PPP1R8: variants seen among roughly 807,000 people sequenced by gnomAD.
PPP1R8 encodes the protein protein phosphatase 1 regulatory subunit 8.
PPP1R8 carries 4 observed loss-of-function variants against 31.3 expected under a neutral mutation model. That is an observed-to-expected ratio of 0.13 (90% confidence interval 0.06 to 0.29). The LOEUF (loss-of-function observed/expected upper bound fraction) is 0.29. Ranked by LOEUF, PPP1R8 falls within the 10% of genes least tolerant of loss-of-function variation. The pLI is 1.00. For missense variants in PPP1R8, 254 were observed against 440.1 expected (o/e 0.58, Z 3.78); for synonymous variants, 170 against 169.7 (o/e 1.00, Z -0.01).
chr1:27,845,512 T>C (rs1409961210), intron 5 of PPP1R8, among the ~76,000 whole-genome samples: 1 of 151,996 alleles, frequency 6.6e-6, no homozygotes, highest in African/African-American at 2.4e-5. Context: ...TGAGAGAAGT[T>C]TGGGATACCT....
rs1233141663 is a variant in PPP1R8, at chr1:27,830,805, G to A, written c.-31G>A. ...GTCTTCCAGTTTCCCGGCGTGCTTA[G>A]GGCGCGCCAAATGGGAGGGGGAGAC... On this transcript the variant is annotated 5_prime_UTR_variant, in exon 1 of 7. Transcript: ENST00000311772. 1.3e-6 allele frequency: 2 copies of A among 1,564,992 alleles called. No individual in the cohort carries two copies. The highest frequency in any genetic ancestry group is 1.2e-5 in the South Asian group (1 of 84,962).
rs2089325866 is a variant in PPP1R8, at chr1:27,850,073, C to T, written c.703-20C>T. 15 of 1,529,246 alleles carry T rather than the reference C, an allele frequency of 9.8e-6. No individual in the cohort carries two copies. The highest frequency in any genetic ancestry group is 4.5e-5 in the East Asian group (2 of 44,010). The allele number at this position is 1,529,246 out of a possible 1,614,324, so 94.7% of individuals were successfully genotyped here. The stretch of plus-strand genomic sequence containing the variant: ...GTCTTCTCTCTCCAATCTCTCCCCT[C>T]TCCTCATCGTGAACTGTAGAAGAAG... On this transcript the variant is annotated intron_variant, in intron 6 of 6. Transcript: ENST00000311772.
chr1:27,835,943 A>G (rs1311077837), intron 2 of PPP1R8, among the ~76,000 whole-genome samples: 1 of 152,248 alleles, frequency 6.6e-6, no homozygotes, highest in African/African-American at 2.4e-5. Flanking sequence ...AGTGTGTGGC[A>G]TAGAAGCGCC....
chr1:27,850,750 T>C lies in PPP1R8; in HGVS notation c.*304T>C, dbSNP rs1223189305. ...CTCCCACTTTCTAGGATCATTTTTA[T>C]GTAAAGTCACATATCCCAGGCCCTC... On this transcript the variant is annotated 3_prime_UTR_variant, in exon 7 of 7. Coordinates refer to ENST00000311772, the MANE Select transcript of PPP1R8 (RefSeq NM_014110.5). 1 of 281,520 alleles carries C rather than the reference T, an allele frequency of 3.6e-6. No individual in the cohort carries two copies. The highest frequency in any genetic ancestry group is 6.7e-6 in the Non-Finnish European group (1 of 148,974). The allele number at this position is 281,520 out of a possible 1,614,324, so 17.4% of individuals were successfully genotyped here.
Position 27,850,534 on chromosome 1 carries a change from C to T in PPP1R8, c.*88C>T. On this transcript the variant is annotated 3_prime_UTR_variant, in exon 7 of 7. Transcript: ENST00000311772. Reference sequence around the variant, plus strand: ...TAATGAACTAGGGAGAAAAACTTTCCATGTGTGCGGTATCGTCTTTCAGAA... The same window carrying T: ...TAATGAACTAGGGAGAAAAACTTTCTATGTGTGCGGTATCGTCTTTCAGAA... 1.7e-6 allele frequency: 2 copies of T among 1,181,968 alleles called. No homozygotes were observed. Among genetic ancestry groups the T allele is most frequent in the Non-Finnish European group, 2.4e-6 (2 of 844,600 alleles). The allele number at this position is 1,181,968 out of a possible 1,614,324, so 73.2% of individuals were successfully genotyped here. A position where few individuals can be genotyped will look rare whatever the true frequency, so the allele number is the denominator to read the frequency against.
intron 6 of PPP1R8, 65 bp from the exon 7 acceptor site, chr1:27,850,028 A>G: frequency 1.4e-6 from 2 of 1,418,056 alleles, no homozygotes; most frequent in Non-Finnish European, 9.5e-7. Context: ...AAAGCTAACC[A>G]CTCTTGGGCC....
chr1:27,833,152 G>A (rs2089128447), intron 2 of PPP1R8, among the ~76,000 whole-genome samples: 1 of 152,154 alleles, frequency 6.6e-6, no homozygotes, highest in Non-Finnish European at 1.5e-5. Context: ...TGCAGTAACT[G>A]AAGAAAGTGA....
chr1:27,831,006 T>C, intron 1 of PPP1R8, 115 bp downstream of exon 1: 2 of 1,428,680 alleles, frequency 1.4e-6, no homozygotes, highest in South Asian at 3.0e-5. Context: ...AACCCCGGAA[T>C]GGTTGAGGAA....
At chr1:27,849,618 A>G (rs1311692137) in intron 6 of PPP1R8, among the ~76,000 whole-genome samples, 1 of 152,120 alleles carries the variant, frequency 6.6e-6, no homozygotes. Flanking sequence ...CCTCCCGAGT[A>G]GCTGTGATTA....
chr1:27,831,116 C>A (rs1314544454), intron 1 of PPP1R8: 12 of 1,345,226 alleles, frequency 8.9e-6, no homozygotes, highest in Non-Finnish European at 1.0e-5. Context: ...GGCTCAAAGG[C>A]GCTCACTTAG....
chr1:27,850,857 C>T lies in PPP1R8; in HGVS notation c.*411C>T, dbSNP rs1441701997. The T allele has an allele frequency of 6.2e-6, 1 of 160,936 alleles. No homozygotes were observed. Among genetic ancestry groups the T allele is most frequent in the East Asian group, 1.8e-4 (1 of 5,496 alleles). 10.0% of individuals were successfully genotyped at this position (160,936 alleles called of 1,614,324 possible). ...AGCCTAATTTATATTCACTATCCTT[C>T]CAAGTCCCGGGTAGCAGAAGGGTTG... is the stretch of plus-strand genomic sequence containing the variant. On this transcript the variant is annotated 3_prime_UTR_variant, in exon 7 of 7. Coordinates refer to ENST00000311772, the MANE Select transcript of PPP1R8 (RefSeq NM_014110.5).
intron 3 of PPP1R8, 62 bp from the exon 4 acceptor site, chr1:27,840,952 T>A (rs2089216994): frequency 1.3e-6 from 2 of 1,547,840 alleles, no homozygotes; most frequent in Non-Finnish European, 8.9e-7. Context: ...ATCATACTCT[T>A]CCTTCTAAAA....
At chr1:27,842,264 C>A (rs1003366544) in intron 4 of PPP1R8, among the ~76,000 whole-genome samples, 1 of 151,438 alleles carries the variant, frequency 6.6e-6, no homozygotes, top group South Asian at 2.1e-4. Context: ...GTCACTTGCA[C>A]CTGGGAGGTG....
In PPP1R8 at chr1:27,842,359, A is replaced by G. The variant is rs534961047; in HGVS notation, c.493-827A>G. 1.7e-3 allele frequency among the ~76,000 whole-genome samples: 264 copies of G among 151,692 alleles called. 1 individual carries two copies. The highest frequency in any genetic ancestry group is 5.9e-3 in the African/African-American group (246 of 41,376). On this transcript the variant is annotated intron_variant, in intron 4 of 6. Coordinates refer to ENST00000311772, the MANE Select transcript of PPP1R8 (RefSeq NM_014110.5). ...CTCCGTCTCAAAAAAAAAAAAAAAA[A>G]AGAGAAATTTTACAATTAAGAAGTC...
At chr1:27,846,100 C>T (rs937980242) in intron 5 of PPP1R8, among the ~76,000 whole-genome samples, 1 of 152,102 alleles carries the variant, frequency 6.6e-6, no homozygotes, top group Non-Finnish European at 1.5e-5. Flanking sequence ...AGGAGTGTTT[C>T]TTTCAATAAC....
intron 1 of PPP1R8, chr1:27,831,128 C>G: frequency 7.6e-7 from 1 of 1,322,464 alleles, no homozygotes; most frequent in South Asian, 1.9e-5. Context: ...CTCACTTAGG[C>G]AGCCCCTTTG....
chr1:27,841,243 C>A lies in PPP1R8; in HGVS notation c.492+9C>A. On this transcript the variant is annotated intron_variant, in intron 4 of 6. Coordinates refer to ENST00000311772, the MANE Select transcript of PPP1R8 (RefSeq NM_014110.5). ...AGGAAACTGAGCTTGATGTAATTCC[C>A]TGTTTATGTCATTGTTTTGTCTTTG... is the stretch of plus-strand genomic sequence containing the variant. The A allele has an allele frequency of 6.2e-7, 1 of 1,613,296 alleles. No homozygotes were observed. Among genetic ancestry groups the A allele is most frequent in the South Asian group, 1.1e-5 (1 of 90,992 alleles).
At chr1:27,840,537 T>C (rs2089212767) in intron 3 of PPP1R8, among the ~76,000 whole-genome samples, 1 of 152,158 alleles carries the variant, frequency 6.6e-6, no homozygotes, top group Admixed American at 6.5e-5. Context: ...AGGCCAGCAA[T>C]TTCTATATTC....
intron 5 of PPP1R8, among the ~76,000 whole-genome samples, chr1:27,846,354 C>CT (rs1343861954): frequency 6.6e-6 from 1 of 152,218 alleles, no homozygotes; most frequent in Non-Finnish European, 1.5e-5. Flanking sequence ...TGAAGCACCT[C>CT]TGTGTTGTAG....
Sources: allele counts gnomAD v4.1 joint callset (sites outside exome capture counted in the v4.1 genomes callset), GRCh38; gene constraint gnomAD v4.1.1; transcripts MANE v1.5; gene names NCBI Gene and HGNC (gene_info 2026-07-23, HGNC 2026-07-21).